HKDC1: variants seen among roughly 807,000 people sequenced by gnomAD.
HKDC1 encodes hexokinase HKDC1.
In HKDC1, 66 loss-of-function variants were observed where a neutral mutation model predicts 96.6. That is an observed-to-expected ratio of 0.68 (90% CI 0.56 to 0.84). HKDC1 has a LOEUF of 0.84. Among genes scored for constraint, HKDC1 ranks in the 40% least tolerant of loss-of-function variants. HKDC1 has a pLI of 0.00. For missense variants in HKDC1, 1,211 were observed against 1,208.1 expected (o/e 1.00, Z -0.04); for synonymous variants, 466 against 473.1 (o/e 0.98, Z 0.20).
chr10:69,243,134 C>G, intron 6 of HKDC1, 48 bp from the exon 7 acceptor site: 1 of 1,588,744 alleles, frequency 6.3e-7, no homozygotes, highest in Non-Finnish European at 8.6e-7. Context: ...CTGTCTGTGC[C>G]CAGCTGGGAG....
chr10:69,220,420 A>G lies in HKDC1; in HGVS notation c.-16A>G, dbSNP rs1843041571. 3.1e-6 allele frequency: 5 copies of G among 1,593,640 alleles called. No individual in the cohort carries two copies. The South Asian group carries it at 5.7e-5, about 18-fold the overall frequency. On this transcript the variant is annotated 5_prime_UTR_variant, in exon 1 of 18. Coordinates refer to ENST00000354624, the MANE Select transcript of HKDC1 (RefSeq NM_025130.4). ...GGAATCTCTGCCCATCTCAGGAGAA[A>G]CCAAACTTGGGGAAAATGTTTGCGG...
chr10:69,253,552 C>T (rs1201202024), intron 12 of HKDC1, among the ~76,000 whole-genome samples: 4 of 152,294 alleles, frequency 2.6e-5, no homozygotes, highest in South Asian at 4.1e-4. Context: ...TATTTAACTT[C>T]TCTGAGGCAT....
intron 2 of HKDC1, 48 bp downstream of exon 2, chr10:69,227,417 TG>T: frequency 6.2e-7 from 1 of 1,608,646 alleles, no homozygotes; most frequent in African/African-American, 1.3e-5. Flanking sequence ...TCTTGGCTGA[TG>T]GGTGTCTAAA....
chr10:69,250,461 C>A (rs571266753), intron 11 of HKDC1, 26 bp downstream of exon 11: 2 of 1,611,768 alleles, frequency 1.2e-6, no homozygotes, highest in African/African-American at 1.3e-5. Context: ...GGCCTTTGGG[C>A]TCCGAGGTGC....
chr10:69,246,011 T>G (rs577721090), intron 7 of HKDC1, 68 bp from the exon 8 acceptor site: 2 of 1,582,126 alleles, frequency 1.3e-6, no homozygotes, highest in African/African-American at 2.7e-5. Flanking sequence ...CAGTGGCTCC[T>G]GGTCTTCGGG....
intron 5 of HKDC1, 94 bp downstream of exon 5, chr10:69,239,231 TG>T: frequency 1.2e-6 from 1 of 813,442 alleles, no homozygotes; most frequent in Non-Finnish European, 2.0e-6. Flanking sequence ...GGGTCACATA[TG>T]GTGCCTGCAT....
chr10:69,240,671 T>C lies in HKDC1; in HGVS notation c.611T>C (p.Leu204Pro), dbSNP rs7899445. Residue 204 changes from leucine (L) to proline (P), a missense_variant, in exon 6 of 18, where the codon CTG (leucine) becomes CCG (proline). Physicochemically the swap from Leu to Pro is moderately conservative, Grantham distance 98. Coordinates refer to ENST00000354624, the MANE Select transcript of HKDC1 (RefSeq NM_025130.4). ...CGGCAGGACATGGACGTGGACATCCTGGCCCTGGTCAATGACACCGTGGGG... is the reference window on the plus strand; with the variant it reads ...CGGCAGGACATGGACGTGGACATCCCGGCCCTGGTCAATGACACCGTGGGG... ...RRHKDMDVDI[L>P]ALVNDTVGTM... is the part of the protein sequence containing the mutation. 1.7e-3 allele frequency: 2,710 copies of C among 1,614,052 alleles called. 56 individuals carry two copies. The African/African-American group carries it at 0.03, about 18-fold the overall frequency.
intron 16 of HKDC1, among the ~76,000 whole-genome samples, chr10:69,262,985 T>C (rs555986244): frequency 1.5e-4 from 23 of 152,270 alleles, no homozygotes; most frequent in African/African-American, 5.5e-4. Flanking sequence ...GTAACACTCT[T>C]ATGCCACCAG....
intron 7 of HKDC1, among the ~76,000 whole-genome samples, chr10:69,244,774 T>G (rs1843512154): frequency 1.3e-5 from 2 of 152,142 alleles, no homozygotes; most frequent in South Asian, 4.1e-4. Context: ...TGCAGTAAGC[T>G]GTGATCATAC....
At position 69,240,781 on chromosome 10, in the gene HKDC1, TA is replaced by T. The variant is rs559985512; in HGVS notation, c.691+31del. On this transcript the variant is annotated intron_variant, in intron 6 of 17. Coordinates refer to ENST00000354624, the MANE Select transcript of HKDC1 (RefSeq NM_025130.4). Reference sequence around the variant, plus strand: ...CTCAATTGGACTGGTTTTTTGAGGGTAGGGGAGAAGGGACTGTTTGGGAGTT... The same window carrying T: ...CTCAATTGGACTGGTTTTTTGAGGGTGGGGAGAAGGGACTGTTTGGGAGTT... 130 of 1,556,148 alleles carry T rather than the reference TA, an allele frequency of 8.4e-5. No individual in the cohort carries two copies. In the African/African-American group the frequency reaches 1.5e-3, roughly 18 times the overall value.
chr10:69,223,432 T>G (rs913637397), intron 1 of HKDC1, among the ~76,000 whole-genome samples: 2 of 152,178 alleles, frequency 1.3e-5, no homozygotes, highest in African/African-American at 4.8e-5. Flanking sequence ...TTACATAGAT[T>G]TCTTCATTAT....
At chr10:69,256,877 G>A (rs1399298618) in intron 12 of HKDC1, among the ~76,000 whole-genome samples, 159 bp from the exon 13 acceptor site, 1 of 152,204 alleles carries the variant, frequency 6.6e-6, no homozygotes, top group Admixed American at 6.5e-5. Flanking sequence ...CTGTGATGCT[G>A]CTGTGCCCAG....
At position 69,250,444 on chromosome 10, in the gene HKDC1, C is replaced by A. The variant is rs1175649019; in HGVS notation, c.1716+9C>A. ...AGGGCACTGGTGAGGAGGTAAGTGCCAGGCAAGGCCTTTGGGCTCCGAGGT... is the reference window on the plus strand; with the variant it reads ...AGGGCACTGGTGAGGAGGTAAGTGCAAGGCAAGGCCTTTGGGCTCCGAGGT... On this transcript the variant is annotated intron_variant, in intron 11 of 17. Coordinates refer to ENST00000354624, the MANE Select transcript of HKDC1 (RefSeq NM_025130.4). 1 of 1,612,150 alleles carries A rather than the reference C, an allele frequency of 6.2e-7. No individual in the cohort carries two copies.
At chr10:69,243,069 A>C in intron 6 of HKDC1, 113 bp from the exon 7 acceptor site, 1 of 1,055,050 alleles carries the variant, frequency 9.5e-7, no homozygotes, top group Non-Finnish European at 1.4e-6. Flanking sequence ...GCCCCCAGGG[A>C]ATGAAAAGCA....
intron 6 of HKDC1, among the ~76,000 whole-genome samples, chr10:69,242,742 A>T (rs778005711): frequency 6.6e-6 from 1 of 152,224 alleles, no homozygotes. Context: ...TATGCTAGAA[A>T]CAATTTGTGG....
rs369853003 is a variant in HKDC1, at chr10:69,265,740, A to C, written c.2528A>C (p.Lys843Thr). Residue 843 changes from lysine to threonine, a missense_variant, in exon 17 of 18, where the codon AAA (lysine) becomes ACA (threonine). Coordinates refer to ENST00000354624, the MANE Select transcript of HKDC1 (RefSeq NM_025130.4). ...CGAGLAAIVE[K>T]RREDQGLEHL... ...GCTGGCCTGGCCGCTATAGTGGAAA[A>C]AAGGAGAGAAGACCAGGGGCTAGAG... 3.5e-5 allele frequency: 57 copies of C among 1,613,360 alleles called. No individual in the cohort carries two copies. Among genetic ancestry groups the C allele is most frequent in the Non-Finnish European group, 4.8e-5 (57 of 1,179,824 alleles).
intron 10 of HKDC1, among the ~76,000 whole-genome samples, chr10:69,249,124 C>G (rs1047167007): frequency 2.0e-5 from 3 of 152,118 alleles, no homozygotes; most frequent in Non-Finnish European, 4.4e-5. Context: ...GGCTCACTTC[C>G]CTTTCCCTCT....
At position 69,243,902 on chromosome 10, in the gene HKDC1, A is replaced by G. The variant is rs73280660; in HGVS notation, c.875+537A>G. Among the ~76,000 whole-genome samples, 1,314 of 152,294 alleles carry G rather than the reference A, an allele frequency of 8.6e-3. 24 individuals are homozygous for G. Among genetic ancestry groups the G allele is most frequent in the African/African-American group, 0.03 (1,239 of 41,552 alleles). On this transcript the variant is annotated intron_variant, in intron 7 of 17. Coordinates refer to ENST00000354624, the MANE Select transcript of HKDC1 (RefSeq NM_025130.4). ...AAGATTTCCCTAAGTCATAACCCTAATAACCCTAATTCTAATTCAGTCAGT... is the reference window on the plus strand; with the variant it reads ...AAGATTTCCCTAAGTCATAACCCTAGTAACCCTAATTCTAATTCAGTCAGT...
At chr10:69,239,187 C>A in intron 5 of HKDC1, 50 bp downstream of exon 5, 2 of 1,448,012 alleles carry the variant, frequency 1.4e-6, no homozygotes, top group African/African-American at 1.4e-5. Context: ...TAGCTCCTTT[C>A]TCTTGGGTTG....
Sources: gnomAD v4.1 joint callset for allele counts (sites outside exome capture counted in the v4.1 genomes callset) on GRCh38, gnomAD v4.1.1 for gene constraint, MANE v1.5 for transcripts, NCBI Gene and HGNC (gene_info 2026-07-23, HGNC 2026-07-21) for gene names.